The following GALNT2 variants were observed in gnomAD, a reference collection of about 807,000 sequenced individuals.
The protein encoded by GALNT2 is UDP-GalNAc:polypeptide N-acetylgalactosaminyltransferase 2.
Under a neutral mutation model 81.4 loss-of-function variants are expected in GALNT2, and 31 were observed. That is an observed-to-expected ratio of 0.38 (90% CI 0.29 to 0.51). The LOEUF is 0.51. GALNT2 is among the 20% of genes least tolerant of loss of function. The pLI is 0.87. For missense variants in GALNT2, 629 were observed against 765.7 expected (o/e 0.82, Z 2.11); for synonymous variants, 303 against 287.4 (o/e 1.05, Z -0.55).
At chr1:230,268,423 C>T (rs1021647130) in intron 14 of GALNT2, 3 of 152,270 alleles carry the variant, frequency 2.0e-5, no homozygotes, top group African/African-American at 7.2e-5. Context: ...GGAGTTCCCA[C>T]TGTCACTCTG....
intron 2 of GALNT2, among the ~76,000 whole-genome samples, chr1:230,185,307 C>CGCGCGCGCGT (rs773933372): frequency 7.8e-6 from 1 of 128,040 alleles, no homozygotes; most frequent in South Asian, 2.6e-4. Flanking sequence ...TGTGTGCGCG[C>CGCGCGCGCGT]GTGTGTGTGT....
chr1:230,116,494 C>T (rs1041037497), intron 1 of GALNT2, among the ~76,000 whole-genome samples: 2 of 152,218 alleles, frequency 1.3e-5, no homozygotes, highest in African/African-American at 4.8e-5. Context: ...TCCCAAAGTG[C>T]TGAGATTACA....
At chr1:230,167,490 G>A (rs56946451) in intron 1 of GALNT2, among the ~76,000 whole-genome samples, 43,443 of 152,092 alleles carry the variant, frequency 0.29, 8,036 homozygotes, top group African/African-American at 0.53. Context: ...GGCCTAGGAA[G>A]GAACCAGTTG....
At chr1:230,169,573 C>T (rs950205780) in intron 1 of GALNT2, among the ~76,000 whole-genome samples, 2 of 152,188 alleles carry the variant, frequency 1.3e-5, no homozygotes, top group Admixed American at 6.5e-5. Context: ...ACCGACTGTG[C>T]GTGGAATCAA....
intron 1 of GALNT2, among the ~76,000 whole-genome samples, chr1:230,176,846 G>T (rs1662995031): frequency 6.6e-6 from 1 of 152,218 alleles, no homozygotes; most frequent in Non-Finnish European, 1.5e-5. Context: ...GGTAAGACTT[G>T]CAAAAGTACA....
intron 15 of GALNT2, 85 bp downstream of exon 15, chr1:230,274,649 T>C: frequency 6.7e-7 from 1 of 1,499,010 alleles, no homozygotes; most frequent in East Asian, 2.3e-5. Flanking sequence ...CTGTGCTGCC[T>C]CTCAAAGCAT....
At chr1:230,115,802 C>T (rs928868388) in intron 1 of GALNT2, among the ~76,000 whole-genome samples, 3 of 152,222 alleles carry the variant, frequency 2.0e-5, no homozygotes, top group South Asian at 2.1e-4. Flanking sequence ...AACCCTGCCA[C>T]GTCTTTGTCA....
intron 1 of GALNT2, among the ~76,000 whole-genome samples, chr1:230,150,863 C>A (rs542884296): frequency 6.6e-6 from 1 of 152,336 alleles, no homozygotes; most frequent in Admixed American, 6.5e-5. Context: ...CTGCTGTCTT[C>A]TGAGCACAAA....
intron 14 of GALNT2, among the ~76,000 whole-genome samples, chr1:230,273,053 G>T (rs1320040341): frequency 6.6e-6 from 1 of 152,094 alleles, no homozygotes; most frequent in Admixed American, 6.6e-5. Flanking sequence ...TTATAGATAG[G>T]CCTGAGCCAC....
intron 1 of GALNT2, among the ~76,000 whole-genome samples, chr1:230,101,601 C>T (rs899743259): frequency 1.3e-5 from 2 of 152,214 alleles, no homozygotes; most frequent in Non-Finnish European, 2.9e-5. Flanking sequence ...GGTGTTTTAA[C>T]AACTTTTCAG....
At chr1:230,263,209 G>T in intron 13 of GALNT2, 1 of 570,752 alleles carries the variant, frequency 1.8e-6, no homozygotes, top group Non-Finnish European at 3.1e-6. Flanking sequence ...GTCCTGCAGA[G>T]CTGCCCTCCC....
Position 230,067,422 on chromosome 1 carries a change from T to A in GALNT2, c.126+16T>A. 1 of 1,108,200 alleles carries A rather than the reference T, an allele frequency of 9.0e-7. No individual in the cohort carries two copies. The highest frequency in any genetic ancestry group is 1.1e-6 in the Non-Finnish European group (1 of 878,662). 68.6% of individuals were successfully genotyped at this position (1,108,200 alleles called of 1,614,324 possible). ...CGGCAGGAAGGTGAGTGGAGCGCCCTGCCGCGGCCGGGCCCCTGCGCCCAC... is the reference window on the plus strand; with the variant it reads ...CGGCAGGAAGGTGAGTGGAGCGCCCAGCCGCGGCCGGGCCCCTGCGCCCAC... On this transcript the variant is annotated intron_variant, in intron 1 of 15. Transcript: ENST00000366672.
chr1:230,222,538 C>T (rs1317303081), intron 3 of GALNT2, among the ~76,000 whole-genome samples: 1 of 151,980 alleles, frequency 6.6e-6, no homozygotes, highest in Non-Finnish European at 1.5e-5. Flanking sequence ...TTTTTTGGTA[C>T]GTTGCTTATT....
At chr1:230,121,342 G>T (rs1465760241) in intron 1 of GALNT2, among the ~76,000 whole-genome samples, 1 of 152,246 alleles carries the variant, frequency 6.6e-6, no homozygotes. Context: ...CAGGCTCCCT[G>T]CACTGGAGGA....
chr1:230,198,198 G>C lies in GALNT2; in HGVS notation c.221-4939G>C, dbSNP rs534837149. 3.5e-4 allele frequency among the ~76,000 whole-genome samples: 54 copies of C among 152,330 alleles called. 1 individual carries two copies. Among genetic ancestry groups the C allele is most frequent in the African/African-American group, 9.9e-4 (41 of 41,568 alleles). On this transcript the variant is annotated intron_variant, in intron 2 of 15. Coordinates refer to ENST00000366672, the MANE Select transcript of GALNT2 (RefSeq NM_004481.5). ...AGTAAAGCCCTTAACAGGTGCTTGTGGACTGCGCATGTGGGATGCTGAGGT... is the reference window on the plus strand; with the variant it reads ...AGTAAAGCCCTTAACAGGTGCTTGTCGACTGCGCATGTGGGATGCTGAGGT...
rs1229881945 is a variant in GALNT2, at chr1:230,070,190, C to T, written c.126+2784C>T. 6.6e-6 allele frequency among the ~76,000 whole-genome samples: 1 copy of T among 152,194 alleles called. No homozygotes were observed. On this transcript the variant is annotated intron_variant, in intron 1 of 15. Coordinates refer to ENST00000366672, the MANE Select transcript of GALNT2 (RefSeq NM_004481.5). This position sits in a 1 kb window ranked among gnomAD's most constrained non-coding sequence, Gnocchi z 4.7. ...CAGGCTCAGGACATGTATGTTAAAG[C>T]AGTTTATTCAAAATATTGTTTAAAA...
intron 1 of GALNT2, among the ~76,000 whole-genome samples, chr1:230,108,530 T>C (rs1287749262): frequency 6.6e-6 from 1 of 152,220 alleles, no homozygotes; most frequent in Non-Finnish European, 1.5e-5. Flanking sequence ...ATGGGATATA[T>C]AAGGATGAGA....
At chr1:230,126,937 C>A (rs1661201588) in intron 1 of GALNT2, among the ~76,000 whole-genome samples, 1 of 152,164 alleles carries the variant, frequency 6.6e-6, no homozygotes, top group South Asian at 2.1e-4. Context: ...TGTTTTCAGA[C>A]CTAAACCATT....
chr1:230,089,723 A>G (rs1660004894), intron 1 of GALNT2, among the ~76,000 whole-genome samples: 1 of 152,324 alleles, frequency 6.6e-6, no homozygotes, highest in East Asian at 1.9e-4. Flanking sequence ...AGGTTTATCC[A>G]TGTAGCATGT....
Sources: gnomAD v4.1 joint callset for allele counts (sites outside exome capture counted in the v4.1 genomes callset) on GRCh38, gnomAD v4.1.1 for gene constraint, Gnocchi (gnomAD v3.1) non-coding constraint, MANE v1.5 for transcripts, NCBI Gene and HGNC (gene_info 2026-07-23, HGNC 2026-07-21) for gene names.